The following CTTNBP2NL variants were observed in gnomAD, a reference collection of about 807,000 sequenced individuals.
The protein encoded by CTTNBP2NL is CTTNBP2 N-terminal like, also known as CTTNBP2 N-terminal-like protein.
In CTTNBP2NL, 16 loss-of-function variants were observed where a neutral mutation model predicts 32.5. That is an observed-to-expected ratio of 0.49 (90% CI 0.33 to 0.75). The LOEUF (loss-of-function observed/expected upper bound fraction) is 0.75, where lower values mean the gene tolerates loss of function less well. Among genes scored for constraint, CTTNBP2NL ranks in the 30% least tolerant of loss-of-function variants. The pLI is 0.02. For missense variants in CTTNBP2NL, 645 were observed against 756.0 expected, an observed-to-expected ratio of 0.85 and a Z score of 1.72; for synonymous variants, 298 against 289.4, an observed-to-expected ratio of 1.03 and a Z score of -0.30.
At chr1:112,444,682 A>G (rs1649985718) in intron 3 of CTTNBP2NL, among the ~76,000 whole-genome samples, 1 of 152,228 alleles carries the variant, frequency 6.6e-6, no homozygotes. Context: ...TTTTATTACT[A>G]AACCCCCTCC....
At chr1:112,439,048 G>A (rs12080594) in intron 3 of CTTNBP2NL, among the ~76,000 whole-genome samples, 324 of 152,214 alleles carry the variant, frequency 2.1e-3, no homozygotes, top group African/African-American at 7.3e-3. Flanking sequence ...AGTGACAGCC[G>A]AAATTGCTGC....
intron 1 of CTTNBP2NL, among the ~76,000 whole-genome samples, chr1:112,400,929 G>T (rs2100989685): frequency 7.1e-6 from 1 of 141,750 alleles, no homozygotes; most frequent in South Asian, 2.2e-4. Context: ...TTGTGTCACT[G>T]CACTCCAGCC....
chr1:112,439,915 A>G (rs370524729), intron 3 of CTTNBP2NL, among the ~76,000 whole-genome samples: 1 of 152,210 alleles, frequency 6.6e-6, no homozygotes, highest in South Asian at 2.1e-4. Context: ...AATAAATTGT[A>G]CTTGGTGTTC....
At chr1:112,400,119 T>C (rs1648450094) in intron 1 of CTTNBP2NL, among the ~76,000 whole-genome samples, 1 of 152,194 alleles carries the variant, frequency 6.6e-6, no homozygotes, top group Non-Finnish European at 1.5e-5. Flanking sequence ...TTGCTGCTAA[T>C]AACTAAAATT....
chr1:112,391,494 A>G (rs1648180685), upstream of CTTNBP2NL, among the ~76,000 whole-genome samples: 1 of 152,178 alleles, frequency 6.6e-6, no homozygotes, highest in African/African-American at 2.4e-5. Flanking sequence ...AGAGAAGAGG[A>G]TTGAGCAAGA....
intron 3 of CTTNBP2NL, among the ~76,000 whole-genome samples, chr1:112,428,618 T>C (rs1044890317): frequency 6.6e-6 from 1 of 152,130 alleles, no homozygotes; most frequent in Non-Finnish European, 1.5e-5. Flanking sequence ...CTTTTAAACA[T>C]TTTTGAAATA....
intron 3 of CTTNBP2NL, among the ~76,000 whole-genome samples, chr1:112,422,814 A>T (rs939060284): frequency 7.2e-5 from 11 of 151,978 alleles, no homozygotes; most frequent in Non-Finnish European, 1.3e-4. Context: ...TATTTTAGAG[A>T]TGGGATCTCA....
intron 1 of CTTNBP2NL, among the ~76,000 whole-genome samples, chr1:112,398,062 G>A (rs1648383459): frequency 6.6e-6 from 1 of 152,184 alleles, no homozygotes; most frequent in African/African-American, 2.4e-5. Context: ...TAAGACGTGA[G>A]CTCCCAGCAA....
intron 1 of CTTNBP2NL, among the ~76,000 whole-genome samples, chr1:112,399,487 ACAGG>A (rs1648431914): frequency 6.6e-6 from 1 of 152,178 alleles, no homozygotes; most frequent in South Asian, 2.1e-4. Flanking sequence ...GTGTAATTAT[ACAGG>A]CTGATTATTG....
chr1:112,438,296 A>G (rs534585469), intron 3 of CTTNBP2NL, among the ~76,000 whole-genome samples: 66 of 152,062 alleles, frequency 4.3e-4, no homozygotes, highest in African/African-American at 1.5e-3. Flanking sequence ...ATTTTATTCT[A>G]TGTGTGGCGA....
intron 3 of CTTNBP2NL, among the ~76,000 whole-genome samples, chr1:112,446,357 C>T (rs1465553878): frequency 6.6e-6 from 1 of 151,826 alleles, no homozygotes; most frequent in African/African-American, 2.4e-5. Flanking sequence ...CAGAGCCAGA[C>T]CCTGTCTCAA....
intron 3 of CTTNBP2NL, among the ~76,000 whole-genome samples, chr1:112,430,213 T>TG (rs1383364387): frequency 0.034 from 1,276 of 38,044 alleles, 21 homozygotes; most frequent in African/African-American, 0.059. Context: ...TTTCTTTTCT[T>TG]TTCTTTTCTT....
At chr1:112,420,903 T>TTTC (rs1329824737) in intron 3 of CTTNBP2NL, among the ~76,000 whole-genome samples, 1 of 152,202 alleles carries the variant, frequency 6.6e-6, no homozygotes, top group Admixed American at 6.5e-5. Flanking sequence ...GAATGTGAGC[T>TTTC]TTCAAGTGAG....
Position 112,457,736 on chromosome 1 carries a change from A to C in CTTNBP2NL, c.*324A>C. 4.5e-6 allele frequency: 1 copy of C among 220,972 alleles called. No homozygotes were observed. The allele number at this position is 220,972 out of a possible 1,614,324, so 13.7% of individuals were successfully genotyped here. A position where few individuals can be genotyped will look rare whatever the true frequency, so the allele number is the denominator to read the frequency against. On this transcript the variant is annotated 3_prime_UTR_variant, in exon 6 of 6. Transcript: ENST00000271277. ...TGAGAACTAGAATCACTCAACACTC[A>C]TTTTGAATTATGCAGAAGTGGTTCA...
At chr1:112,443,276 C>T (rs898333864) in intron 3 of CTTNBP2NL, among the ~76,000 whole-genome samples, 6 of 152,180 alleles carry the variant, frequency 3.9e-5, no homozygotes, top group African/African-American at 4.8e-5. Flanking sequence ...TGCAGTGGTG[C>T]GATCTTGGCT....
In CTTNBP2NL at chr1:112,456,803, A is replaced by G; in HGVS notation, c.1311A>G (p.Leu437=). 4 of 1,614,014 alleles carry G rather than the reference A, an allele frequency of 2.5e-6. No individual in the cohort carries two copies. The highest frequency in any genetic ancestry group is 3.4e-6 in the Non-Finnish European group (4 of 1,180,022). Residue 437 remains leucine (L), a synonymous_variant, in exon 6 of 6, where the codon TTA becomes TTG. Transcript: ENST00000271277. Reference sequence around the variant, plus strand: ...CTTCGCCGGTACTCACTAAGCGTTTATTGGGGTCATCAGCTAGCAGCCCTG... The same window carrying G: ...CTTCGCCGGTACTCACTAAGCGTTTGTTGGGGTCATCAGCTAGCAGCCCTG... ...PCSSPVLTKR[L]LGSSASSPGY... is the part of the protein sequence containing the mutation.
upstream of CTTNBP2NL, among the ~76,000 whole-genome samples, chr1:112,392,537 C>T (rs551383260): frequency 1.3e-5 from 2 of 152,140 alleles, no homozygotes; most frequent in African/African-American, 4.8e-5. Flanking sequence ...CCCCAAAATT[C>T]ATGTGCACCC....
intron 1 of CTTNBP2NL, among the ~76,000 whole-genome samples, chr1:112,400,004 G>A (rs944815733): frequency 6.6e-6 from 1 of 152,076 alleles, no homozygotes; most frequent in Non-Finnish European, 1.5e-5. Flanking sequence ...AGGAGGCGGA[G>A]GTTGCAGTGA....
At chr1:112,410,921 GAAA>G (rs1451872946) in intron 1 of CTTNBP2NL, among the ~76,000 whole-genome samples, 1 of 152,218 alleles carries the variant, frequency 6.6e-6, no homozygotes, top group Non-Finnish European at 1.5e-5. Context: ...AGCTTACTTA[GAAA>G]ATAAGTAGGG....
Sources: gnomAD v4.1 joint callset for allele counts (sites outside exome capture counted in the v4.1 genomes callset) on GRCh38, gnomAD v4.1.1 for gene constraint, MANE v1.5 for transcripts, NCBI Gene and HGNC (gene_info 2026-07-23, HGNC 2026-07-21) for gene names.